KCNQ1: variants seen among roughly 807,000 people sequenced by gnomAD.
KCNQ1 encodes the protein potassium voltage-gated channel subfamily KQT member 1.
KCNQ1 carries 49 observed loss-of-function variants against 72.4 expected under a neutral mutation model. The observed-to-expected ratio is 0.68, with a 90% CI of 0.54 to 0.86. The LOEUF (loss-of-function observed/expected upper bound fraction) is 0.86, where lower values mean the gene tolerates loss of function less well. Ranked by LOEUF, KCNQ1 falls within the 40% of genes least tolerant of loss-of-function variation. The pLI, the probability that KCNQ1 is intolerant of heterozygous loss-of-function variation, is 0.00. For missense variants in KCNQ1, 790 were observed against 945.1 expected (o/e 0.84, Z 2.15); for synonymous variants, 450 against 412.6 (o/e 1.09, Z -1.10).
chr11:2,697,292 C>T (rs778384129), intron 11 of KCNQ1: 2 of 398,562 alleles, frequency 5.0e-6, no homozygotes, highest in Admixed American at 4.4e-5. Context: ...AGTCGTAACA[C>T]CAAAATGTTT....
chr11:2,664,928 G>A lies in KCNQ1; in HGVS notation c.1514+2847G>A. The A allele has an allele frequency of 2.5e-6, 1 of 398,568 alleles. No homozygotes were observed. The highest frequency in any genetic ancestry group is 4.4e-6 in the Non-Finnish European group (1 of 226,072). The allele number at this position is 398,568 out of a possible 1,614,324, so 24.7% of individuals were successfully genotyped here. A position where few individuals can be genotyped will look rare whatever the true frequency, so the allele number is the denominator to read the frequency against. On this transcript the variant is annotated intron_variant, in intron 11 of 15. Coordinates refer to ENST00000155840, the MANE Select transcript of KCNQ1 (RefSeq NM_000218.3). The surrounding 1 kb of genome is among the most constrained non-coding windows in gnomAD (Gnocchi z 5.1). The stretch of plus-strand genomic sequence containing the variant: ...ATCTCGAGCTCTCCCCGCCCGCAGG[G>A]CCCCAGAGAGGTGAGGTCACTATAG...
intron 15 of KCNQ1, among the ~76,000 whole-genome samples, chr11:2,812,506 G>A (rs1027086445): frequency 3.9e-5 from 6 of 152,208 alleles, no homozygotes; most frequent in African/African-American, 9.6e-5. Context: ...TGCCGGGGCC[G>A]GAAGGGCATT....
In KCNQ1 at chr11:2,457,474, A is replaced by C. The variant is rs1426552826; in HGVS notation, c.386+11990A>C. 6.6e-6 allele frequency among the ~76,000 whole-genome samples: 1 copy of C among 152,222 alleles called. No homozygotes were observed. The highest frequency in any genetic ancestry group is 2.4e-5 in the African/African-American group (1 of 41,464). ...ACGTGAAAATCATGTCCTTTGCAGC[A>C]ACATGGATGCAGCTGGAGGTCGTTA... is the stretch of plus-strand genomic sequence containing the variant. On this transcript the variant is annotated intron_variant, in intron 1 of 15. Transcript: ENST00000155840. This position sits in a 1 kb window ranked among gnomAD's most constrained non-coding sequence, Gnocchi z 5.0.
rs573534237 is a variant in KCNQ1, at chr11:2,625,616, GC to G, written c.1394-36342del. ...TTTTGAGATGGAGTCTCACTCTGTT[GC>G]CCAAGCTGAGTGCAGTGGTGCCATC... On this transcript the variant is annotated intron_variant, in intron 10 of 15. Transcript: ENST00000155840. 933 of 386,234 alleles carry G rather than the reference GC, an allele frequency of 2.4e-3. 4 individuals are homozygous for G. The highest frequency in any genetic ancestry group is 0.011 in the African/African-American group (488 of 44,470). 23.9% of individuals were successfully genotyped at this position (386,234 alleles called of 1,614,324 possible).
rs1849970771 is a variant in KCNQ1, at chr11:2,662,149, G to A, written c.1514+68G>A. ...TGGAGCTCAAGGAGTCAGACTTGGT[G>A]CTGGGGAAGCCTTGCTCTCTGGCCA... is the stretch of plus-strand genomic sequence containing the variant. On this transcript the variant is annotated intron_variant, in intron 11 of 15. Transcript: ENST00000155840. 32 of 1,604,962 alleles carry A rather than the reference G, an allele frequency of 2.0e-5. No individual in the cohort carries two copies. The South Asian group carries it at 3.4e-4, about 17-fold the overall frequency.
At position 2,816,614 on chromosome 11, in the gene KCNQ1, AG is replaced by A. The variant is rs1257926102; in HGVS notation, c.1795-31148del. On this transcript the variant is annotated intron_variant, in intron 15 of 15. Coordinates refer to ENST00000155840, the MANE Select transcript of KCNQ1 (RefSeq NM_000218.3). The surrounding 1 kb of genome is among the most constrained non-coding windows in gnomAD (Gnocchi z 6.8). ...TGATGAGGGGCTGGAGGCAGCAGAAAGGGGGCTATAGGACCCTTTGACTCAA... is the reference window on the plus strand; with the variant it reads ...TGATGAGGGGCTGGAGGCAGCAGAAAGGGGCTATAGGACCCTTTGACTCAA... 6.6e-6 allele frequency among the ~76,000 whole-genome samples: 1 copy of A among 152,146 alleles called. No homozygotes were observed. Among genetic ancestry groups the A allele is most frequent in the South Asian group, 2.1e-4 (1 of 4,832 alleles).
chr11:2,773,422 C>T (rs1846634519), intron 12 of KCNQ1, among the ~76,000 whole-genome samples: 1 of 151,378 alleles, frequency 6.6e-6, no homozygotes, highest in South Asian at 2.1e-4. Context: ...CAAGGCTCGG[C>T]ATCCCATCTT....
chr11:2,777,239 G>A (rs1304965588), intron 14 of KCNQ1, among the ~76,000 whole-genome samples: 3 of 152,042 alleles, frequency 2.0e-5, no homozygotes, highest in African/African-American at 2.4e-5. Context: ...GAATATTCAG[G>A]TTTCATAAGA....
chr11:2,814,960 C>T (rs974016095), intron 15 of KCNQ1, among the ~76,000 whole-genome samples: 4 of 152,230 alleles, frequency 2.6e-5, no homozygotes, highest in Non-Finnish European at 4.4e-5. Context: ...CCTGTGCAGA[C>T]GGCCCCAGCG....
At chr11:2,727,201 C>T (rs576944700) in intron 11 of KCNQ1, among the ~76,000 whole-genome samples, 2 of 152,172 alleles carry the variant, frequency 1.3e-5, no homozygotes, top group Admixed American at 6.5e-5. Context: ...AAAAGCTCAG[C>T]GTCTACAGAT....
chr11:2,667,026 C>T (rs1012104925), intron 11 of KCNQ1: 1 of 398,688 alleles, frequency 2.5e-6, no homozygotes, highest in Non-Finnish European at 4.4e-6. Flanking sequence ...CCGTCAGAGC[C>T]CCACATAGCC....
At position 2,764,629 on chromosome 11, in the gene KCNQ1, T is replaced by C. The variant is rs368587750; in HGVS notation, c.1515-4215T>C. On this transcript the variant is annotated intron_variant, in intron 11 of 15. Coordinates refer to ENST00000155840, the MANE Select transcript of KCNQ1 (RefSeq NM_000218.3). This position sits in a 1 kb window ranked among gnomAD's most constrained non-coding sequence, Gnocchi z 4.8. ...GGAAGAATTTACTGGTGATGTCGTC[T>C]AGATACAGAGTTTTCTTTGCCAGAA... is the stretch of plus-strand genomic sequence containing the variant. Among the ~76,000 whole-genome samples the C allele has an allele frequency of 3.3e-5, 5 of 152,254 alleles. No homozygotes were observed. Among genetic ancestry groups the C allele is most frequent in the Admixed American group, 1.3e-4 (2 of 15,282 alleles).
rs1849086184 is a variant in KCNQ1 at position 2,617,494 on chromosome 11, G to T, written c.1393+28640G>T. 4 of 398,282 alleles carry T rather than the reference G, an allele frequency of 1.0e-5. No individual in the cohort carries two copies. Among genetic ancestry groups the T allele is most frequent in the South Asian group, 1.3e-4 (1 of 7,850 alleles). The allele number at this position is 398,282 out of a possible 1,614,324, so 24.7% of individuals were successfully genotyped here. A position where few individuals can be genotyped will look rare whatever the true frequency, so the allele number is the denominator to read the frequency against. ...ATGGACACGTAAGTTTTCATATCGT[G>T]ACTCATGCATATAATGCCACAATGA... On this transcript the variant is annotated intron_variant, in intron 10 of 15. Coordinates refer to ENST00000155840, the MANE Select transcript of KCNQ1 (RefSeq NM_000218.3). This position sits in a 1 kb window ranked among gnomAD's most constrained non-coding sequence, Gnocchi z 4.6.
rs143921053 is a variant in KCNQ1 at position 2,752,992 on chromosome 11, G to A, written c.1515-15852G>A. On this transcript the variant is annotated intron_variant, in intron 11 of 15. Transcript: ENST00000155840. This position sits in a 1 kb window ranked among gnomAD's most constrained non-coding sequence, Gnocchi z 5.2. ...ACGGGATCGTTCTCCTCTGTGGGTC[G>A]CTGATATGAAAACAATCTCACAAAG... Among the ~76,000 whole-genome samples the A allele has an allele frequency of 9.9e-5, 15 of 152,240 alleles. No individual in the cohort carries two copies. The highest frequency in any genetic ancestry group is 3.6e-4 in the African/African-American group (15 of 41,544).
Position 2,658,806 on chromosome 11 carries a change from A to T in KCNQ1, c.1394-3155A>T, listed in dbSNP as rs1318031265. On this transcript the variant is annotated intron_variant, in intron 10 of 15. Coordinates refer to ENST00000155840, the MANE Select transcript of KCNQ1 (RefSeq NM_000218.3). This position sits in a 1 kb window ranked among gnomAD's most constrained non-coding sequence, Gnocchi z 4.9. ...AGAGTTCATCCTTGCCCCCTCCCCC[A>T]CAACTTATTTATAGCTTTTTCTCTG... 2.5e-6 allele frequency: 1 copy of T among 398,434 alleles called. No homozygotes were observed. Among genetic ancestry groups the T allele is most frequent in the African/African-American group, 2.1e-5 (1 of 48,676 alleles). The allele number at this position is 398,434 out of a possible 1,614,324, so 24.7% of individuals were successfully genotyped here. A position where few individuals can be genotyped will look rare whatever the true frequency, so the allele number is the denominator to read the frequency against.
rs879828759 is a variant in KCNQ1, at chr11:2,782,401, T to C, written c.1794+4364T>C. On this transcript the variant is annotated intron_variant, in intron 15 of 15. Coordinates refer to ENST00000155840, the MANE Select transcript of KCNQ1 (RefSeq NM_000218.3). The surrounding 1 kb of genome is among the most constrained non-coding windows in gnomAD (Gnocchi z 6.1). The stretch of plus-strand genomic sequence containing the variant: ...TTATGTGTGAGATACATACATGACA[T>C]AATTTTCCTGTCTTGTATGGTCTTC... 8.5e-5 allele frequency among the ~76,000 whole-genome samples: 13 copies of C among 152,370 alleles called. No homozygotes were observed. Among genetic ancestry groups the C allele is most frequent in the Admixed American group, 7.8e-4 (12 of 15,302 alleles).
Position 2,661,787 on chromosome 11 carries a change from C to T in KCNQ1, c.1394-174C>T, listed in dbSNP as rs1849960484. 2.8e-6 allele frequency: 2 copies of T among 718,644 alleles called. No homozygotes were observed. Among genetic ancestry groups the T allele is most frequent in the East Asian group, 5.4e-5 (2 of 37,170 alleles). The allele number at this position is 718,644 out of a possible 1,614,324, so 44.5% of individuals were successfully genotyped here. A position where few individuals can be genotyped will look rare whatever the true frequency, so the allele number is the denominator to read the frequency against. Reference sequence around the variant, plus strand: ...ACTGAGGTGTCAGGCACTTTGGGGCCATCTTAAACACCCACCCACCCCAAC... The same window carrying T: ...ACTGAGGTGTCAGGCACTTTGGGGCTATCTTAAACACCCACCCACCCCAAC... On this transcript the variant is annotated intron_variant, in intron 10 of 15. Coordinates refer to ENST00000155840, the MANE Select transcript of KCNQ1 (RefSeq NM_000218.3). This position sits in a 1 kb window ranked among gnomAD's most constrained non-coding sequence, Gnocchi z 5.9.
Position 2,848,082 on chromosome 11 carries a change from GC to G in KCNQ1, c.*81del. On this transcript the variant is annotated 3_prime_UTR_variant, in exon 16 of 16. Coordinates refer to ENST00000155840, the MANE Select transcript of KCNQ1 (RefSeq NM_000218.3). Reference sequence around the variant, plus strand: ...CCCCACCTGGCCCTCTCTGAAGGAGGCCACCTCCTAAAAGGCCCAGAGAGAA... The same window carrying G: ...CCCCACCTGGCCCTCTCTGAAGGAGGCACCTCCTAAAAGGCCCAGAGAGAA... 1 of 1,216,850 alleles carries G rather than the reference GC, an allele frequency of 8.2e-7. No homozygotes were observed. The allele number at this position is 1,216,850 out of a possible 1,614,324, so 75.4% of individuals were successfully genotyped here. A position where few individuals can be genotyped will look rare whatever the true frequency, so the allele number is the denominator to read the frequency against.
intron 1 of KCNQ1, among the ~76,000 whole-genome samples, chr11:2,514,130 A>G (rs544838653): frequency 8.5e-5 from 13 of 152,146 alleles, no homozygotes; most frequent in Admixed American, 2.0e-4. Context: ...GGAGTGGGAG[A>G]TGCCCCCCTC....
Sources: gnomAD v4.1 joint callset for allele counts (sites outside exome capture counted in the v4.1 genomes callset) on GRCh38, gnomAD v4.1.1 for gene constraint, Gnocchi (gnomAD v3.1) non-coding constraint, MANE v1.5 for transcripts, NCBI Gene and HGNC (gene_info 2026-07-23, HGNC 2026-07-21) for gene names.